METTL6: variants seen among roughly 807,000 people sequenced by gnomAD.
The protein encoded by METTL6 is tRNA N(3)-cytidine methyltransferase METTL6.
METTL6 carries 22 observed loss-of-function variants against 26.4 expected under a neutral mutation model. The observed-to-expected ratio is 0.83, with a 90% CI of 0.59 to 1.19. The LOEUF (loss-of-function observed/expected upper bound fraction) is 1.19. Ranked by LOEUF, METTL6 falls within the 50% of genes most tolerant of loss-of-function variation. The pLI, the probability that METTL6 is intolerant of heterozygous loss-of-function variation, is 0.00. For missense variants in METTL6, 304 were observed against 324.8 expected (o/e 0.94, Z 0.49); for synonymous variants, 109 against 116.2 (o/e 0.94, Z 0.40).
rs1452850552 is a variant in METTL6 at position 15,414,175 on chromosome 3, A to C, written c.532-13T>G. Reference sequence around the variant, plus strand: ...CTGGTTTTAATACCTATGAAACAAAAGCAGGCTGAACATGACTTTGGAGAA... The same window carrying C: ...CTGGTTTTAATACCTATGAAACAAACGCAGGCTGAACATGACTTTGGAGAA... On this transcript the variant is annotated splice_polypyrimidine_tract_variant and intron_variant, in intron 4 of 5. Coordinates refer to ENST00000383790, the MANE Select transcript of METTL6 (RefSeq NM_152396.4). 2 of 1,600,708 alleles carry C rather than the reference A, an allele frequency of 1.2e-6. No homozygotes were observed. Among genetic ancestry groups the C allele is most frequent in the East Asian group, 4.5e-5 (2 of 44,772 alleles).
chr3:15,413,921 A>G, intron 5 of METTL6, 100 bp downstream of exon 5: 1 of 1,584,492 alleles, frequency 6.3e-7, no homozygotes, highest in Non-Finnish European at 8.6e-7. Context: ...TCTCGTGCAC[A>G]TGTCGCAAGC....
At chr3:15,393,486 A>C (rs1022800830) in intron 6 of METTL6, among the ~76,000 whole-genome samples, 3 of 152,114 alleles carry the variant, frequency 2.0e-5, no homozygotes, top group African/African-American at 2.4e-5. Context: ...AATACCCTTT[A>C]TTTCTTTCTC....
chr3:15,385,953 A>G (rs150800960), intron 6 of METTL6, among the ~76,000 whole-genome samples: 4 of 152,346 alleles, frequency 2.6e-5, no homozygotes, highest in Non-Finnish European at 5.9e-5. Flanking sequence ...ACCTTGCACG[A>G]GAAAAGAATT....
chr3:15,390,299 G>C (rs1009844250), intron 6 of METTL6, among the ~76,000 whole-genome samples: 2 of 151,970 alleles, frequency 1.3e-5, no homozygotes, highest in East Asian at 1.9e-4. Flanking sequence ...GTGTTGGTAC[G>C]CACCTGTAGT....
intron 4 of METTL6, chr3:15,414,632 C>T (rs920396953): frequency 2.4e-5 from 7 of 286,774 alleles, no homozygotes; most frequent in Admixed American, 9.8e-5. Flanking sequence ...GGATTACAGG[C>T]GTGAGCCACC....
intron 6 of METTL6, among the ~76,000 whole-genome samples, chr3:15,394,624 T>G (rs1474824475): frequency 6.6e-6 from 1 of 152,276 alleles, no homozygotes; most frequent in African/African-American, 2.4e-5. Flanking sequence ...TGCTTTCTCT[T>G]GTGGGCATTT....
At chr3:15,383,743 G>A (rs1283762422) in exon 7 of METTL6, 1 of 152,218 alleles carries the variant, frequency 6.6e-6, no homozygotes, top group Non-Finnish European at 1.5e-5. Flanking sequence ...CTAGAAAACA[G>A]GATAAATAGC....
At chr3:15,404,577 C>T (rs903599920) in intron 6 of METTL6, among the ~76,000 whole-genome samples, 68 of 150,882 alleles carry the variant, frequency 4.5e-4, no homozygotes, top group Non-Finnish European at 9.0e-4. Flanking sequence ...TCTCGAACTC[C>T]TGACTTCAGG....
In METTL6 at chr3:15,415,780, T is replaced by C. The variant is rs750570151; in HGVS notation, c.523A>G (p.Ile175Val). The change falls in exon 4 of 6, where the codon ATT becomes GTT. Residue 175 changes from isoleucine (I) to valine (V), a missense_variant. Transcript: ENST00000383790. ...PDKMHLVLQN[I>V]YKVLKPGKSV... ...GGCCCCAAATCACTAACCTTGTAAA[T>C]GTTTTGTAAGACAAGGTGCATCTTA... 14 of 1,613,536 alleles carry C rather than the reference T, an allele frequency of 8.7e-6. No individual in the cohort carries two copies. The South Asian group carries it at 1.5e-4, about 18-fold the overall frequency.
chr3:15,416,170 T>C (rs1411624166), intron 3 of METTL6, among the ~76,000 whole-genome samples: 3 of 152,208 alleles, frequency 2.0e-5, no homozygotes, highest in African/African-American at 7.2e-5. Flanking sequence ...GAGGAGACAA[T>C]AAGAGTATCA....
At chr3:15,399,643 A>G (rs1371043251) in intron 6 of METTL6, among the ~76,000 whole-genome samples, 1 of 151,610 alleles carries the variant, frequency 6.6e-6, no homozygotes, top group Non-Finnish European at 1.5e-5. Context: ...TTAGGGAATC[A>G]TTAAATAAAT....
intron 6 of METTL6, among the ~76,000 whole-genome samples, chr3:15,391,154 A>G (rs1175861667): frequency 6.6e-6 from 1 of 152,198 alleles, no homozygotes; most frequent in Non-Finnish European, 1.5e-5. Context: ...ATCCTTGACA[A>G]TCAGCCGTTT....
chr3:15,396,712 C>T (rs1559481315), intron 6 of METTL6, among the ~76,000 whole-genome samples: 1 of 152,154 alleles, frequency 6.6e-6, no homozygotes, highest in Non-Finnish European at 1.5e-5. Flanking sequence ...ACAGTCAGGA[C>T]CCTCAGCTAC....
At chr3:15,418,181 A>C (rs923843041) in intron 3 of METTL6, among the ~76,000 whole-genome samples, 6 of 152,194 alleles carry the variant, frequency 3.9e-5, no homozygotes, top group African/African-American at 1.4e-4. Flanking sequence ...GAAGGCAAAA[A>C]ACATAGTGTG....
chr3:15,413,302 T>C (rs1007351006), intron 5 of METTL6, among the ~76,000 whole-genome samples: 1 of 152,076 alleles, frequency 6.6e-6, no homozygotes, highest in Non-Finnish European at 1.5e-5. Flanking sequence ...AGGACAGGCA[T>C]GGTGACTAAC....
rs531087016 is a variant in METTL6, at chr3:15,412,315, G to C, written c.674-878C>G. Among the ~76,000 whole-genome samples the C allele has an allele frequency of 2.6e-5, 4 of 152,276 alleles. No individual in the cohort carries two copies. The South Asian group carries it at 8.3e-4, about 32-fold the overall frequency. On this transcript the variant is annotated intron_variant, in intron 5 of 5. Transcript: ENST00000383790. The stretch of plus-strand genomic sequence containing the variant: ...AAATGAAACAAACAGAATAAATGGT[G>C]AGGCAGCAAAAATAAAGACTCGTAC...
chr3:15,415,611 G>A (rs774077935), intron 4 of METTL6, 161 bp downstream of exon 4: 2 of 1,609,208 alleles, frequency 1.2e-6, no homozygotes, highest in Non-Finnish European at 1.7e-6. Context: ...TAGGGTGGAT[G>A]TTTTATGCCA....
At chr3:15,419,051 C>T (rs575388590) in intron 3 of METTL6, among the ~76,000 whole-genome samples, 1 of 152,080 alleles carries the variant, frequency 6.6e-6, no homozygotes, top group Admixed American at 6.6e-5. Context: ...GCCCATGGTC[C>T]CAGCTCAGGA....
intron 3 of METTL6, among the ~76,000 whole-genome samples, chr3:15,420,685 T>A (rs1299642414): frequency 6.6e-6 from 1 of 152,204 alleles, no homozygotes; most frequent in Non-Finnish European, 1.5e-5. Flanking sequence ...ATTTACAACA[T>A]CTAGTTCTAG....
Sources: allele counts gnomAD v4.1 joint callset (sites outside exome capture counted in the v4.1 genomes callset), GRCh38; gene constraint gnomAD v4.1.1; transcripts MANE v1.5; gene names NCBI Gene and HGNC (gene_info 2026-07-23, HGNC 2026-07-21).